Variants in ACOXL observed in about 807,000 individuals in gnomAD.
The protein encoded by ACOXL is acyl-coenzyme A oxidase-like protein.
Under a neutral mutation model 71.9 loss-of-function variants are expected in ACOXL, and 70 were observed. That is an observed-to-expected ratio of 0.97 (90% confidence interval 0.80 to 1.19). ACOXL has a LOEUF of 1.19. Ranked by LOEUF, ACOXL falls within the 50% of genes most tolerant of loss-of-function variation. The pLI, the probability that ACOXL is intolerant of heterozygous loss-of-function variation, is 0.00. For missense variants in ACOXL, 703 were observed against 736.3 expected (o/e 0.95, Z 0.52); for synonymous variants, 253 against 281.6 (o/e 0.90, Z 1.02).
chr2:110,902,669 C>T (rs760165394), intron 10 of ACOXL, among the ~76,000 whole-genome samples: 1 of 152,176 alleles, frequency 6.6e-6, no homozygotes, highest in Non-Finnish European at 1.5e-5. Context: ...ATGTTTACAT[C>T]CTGGCTGGCC....
At chr2:110,851,697 T>G (rs1219359210) in intron 10 of ACOXL, among the ~76,000 whole-genome samples, 1 of 152,210 alleles carries the variant, frequency 6.6e-6, no homozygotes, top group African/African-American at 2.4e-5. Context: ...TGGTCTGTGG[T>G]CCTGAGAGCC....
At chr2:110,779,142 A>G (rs1172996184) in intron 2 of ACOXL, among the ~76,000 whole-genome samples, 1 of 152,278 alleles carries the variant, frequency 6.6e-6, no homozygotes, top group African/African-American at 2.4e-5. Flanking sequence ...ATCTTTAGAC[A>G]GAGCCATGGG....
At chr2:110,830,414 T>C (rs1408888624) in intron 9 of ACOXL, among the ~76,000 whole-genome samples, 2 of 152,100 alleles carry the variant, frequency 1.3e-5, no homozygotes, top group Non-Finnish European at 2.9e-5. Flanking sequence ...CGTGTCTCTT[T>C]CCACAATAAA....
At chr2:110,948,891 CAG>C (rs1165749512) in intron 12 of ACOXL, among the ~76,000 whole-genome samples, 4 of 152,026 alleles carry the variant, frequency 2.6e-5, no homozygotes, top group African/African-American at 9.6e-5. Context: ...CTGGATGCTG[CAG>C]AGTTACTATT....
intron 1 of ACOXL, among the ~76,000 whole-genome samples, chr2:110,742,740 A>T (rs1418271951): frequency 1.3e-5 from 2 of 152,210 alleles, no homozygotes; most frequent in African/African-American, 4.8e-5. Context: ...TACAAAGATA[A>T]CTCAAAATGG....
At chr2:110,794,455 TTG>T (rs1685040127) in intron 5 of ACOXL, among the ~76,000 whole-genome samples, 1 of 152,228 alleles carries the variant, frequency 6.6e-6, no homozygotes, top group Non-Finnish European at 1.5e-5. Flanking sequence ...ATTTAATCCC[TTG>T]TCATAACTCC....
intron 12 of ACOXL, among the ~76,000 whole-genome samples, chr2:110,952,428 T>C (rs1025896456): frequency 2.0e-5 from 3 of 152,190 alleles, no homozygotes; most frequent in African/African-American, 4.8e-5. Flanking sequence ...CTCTCCACTA[T>C]ATCTGATTTT....
At chr2:111,077,456 A>G (rs1003154069) in intron 16 of ACOXL, among the ~76,000 whole-genome samples, 7 of 152,198 alleles carry the variant, frequency 4.6e-5, no homozygotes, top group Non-Finnish European at 1.0e-4. Context: ...AACATGTTTT[A>G]AAAGAATTAT....
intron 1 of ACOXL, among the ~76,000 whole-genome samples, chr2:110,758,133 A>G (rs1679933787): frequency 1.3e-5 from 2 of 152,194 alleles, no homozygotes; most frequent in African/African-American, 4.8e-5. Context: ...TCCCAGCACC[A>G]TTTATTAAAT....
chr2:111,062,336 A>G (rs888393792), intron 16 of ACOXL, among the ~76,000 whole-genome samples: 1 of 152,124 alleles, frequency 6.6e-6, no homozygotes, highest in African/African-American at 2.4e-5. Flanking sequence ...AAACTGATAG[A>G]ACTAAAAGGA....
intron 3 of ACOXL, among the ~76,000 whole-genome samples, chr2:110,790,251 C>G (rs1207687181): frequency 6.6e-6 from 1 of 152,192 alleles, no homozygotes; most frequent in Admixed American, 6.5e-5. Context: ...TGAGGTGATA[C>G]CAGCCTGCCT....
intron 9 of ACOXL, among the ~76,000 whole-genome samples, chr2:110,813,939 A>G (rs1200839524): frequency 1.3e-5 from 2 of 152,204 alleles, no homozygotes; most frequent in Non-Finnish European, 2.9e-5. Flanking sequence ...CAGTTTGCCC[A>G]GAGCTTTCTG....
intron 10 of ACOXL, among the ~76,000 whole-genome samples, chr2:110,852,320 A>C (rs1186643041): frequency 6.6e-6 from 1 of 151,972 alleles, no homozygotes; most frequent in East Asian, 1.9e-4. Context: ...TGAGAGGGAC[A>C]CCGGGGAGCT....
chr2:111,076,147 G>C (rs1258814767), intron 16 of ACOXL, among the ~76,000 whole-genome samples: 1 of 152,092 alleles, frequency 6.6e-6, no homozygotes, highest in Non-Finnish European at 1.5e-5. Context: ...TCAGCATTCT[G>C]TCTATCGACT....
chr2:110,995,767 A>T (rs1283182175), intron 13 of ACOXL, 126 bp from the exon 14 acceptor site: 6 of 646,440 alleles, frequency 9.3e-6, no homozygotes, highest in Non-Finnish European at 1.7e-5. Context: ...TGGGGAGATT[A>T]TGTCTATTGA....
chr2:110,896,743 A>G (rs1394265023), intron 10 of ACOXL, among the ~76,000 whole-genome samples: 1 of 152,204 alleles, frequency 6.6e-6, no homozygotes, highest in Non-Finnish European at 1.5e-5. Flanking sequence ...GTGAAAACTA[A>G]CAGAACTGAA....
intron 12 of ACOXL, among the ~76,000 whole-genome samples, chr2:110,951,906 C>T (rs2061346534): frequency 1.3e-5 from 2 of 152,178 alleles, no homozygotes; most frequent in Non-Finnish European, 2.9e-5. Flanking sequence ...GGGTTTTCTG[C>T]TCTGTGATTA....
At chr2:110,756,909 T>A (rs1042673479) in intron 1 of ACOXL, among the ~76,000 whole-genome samples, 6 of 152,236 alleles carry the variant, frequency 3.9e-5, no homozygotes, top group East Asian at 3.8e-4. Context: ...CAGCTTTTTT[T>A]AAATTCAGGG....
intron 10 of ACOXL, among the ~76,000 whole-genome samples, chr2:110,853,277 C>T (rs546788962): frequency 1.3e-5 from 2 of 152,280 alleles, no homozygotes; most frequent in East Asian, 3.9e-4. Context: ...TGTTAACCAT[C>T]CCAAAATGCT....
Sources: allele counts gnomAD v4.1 joint callset (sites outside exome capture counted in the v4.1 genomes callset), GRCh38; gene constraint gnomAD v4.1.1; transcripts MANE v1.5; gene names NCBI Gene and HGNC (gene_info 2026-07-23, HGNC 2026-07-21).